The following GRIK2 variants were observed in gnomAD, a reference collection of about 807,000 sequenced individuals.
GRIK2 encodes the protein glutamate receptor ionotropic, kainate 2.
GRIK2 carries 32 observed loss-of-function variants against 100.3 expected under a neutral mutation model. The observed-to-expected ratio is 0.32, with a 90% CI of 0.24 to 0.43. The LOEUF (loss-of-function observed/expected upper bound fraction) is 0.43. Among genes scored for constraint, GRIK2 ranks in the 20% least tolerant of loss-of-function variants. The pLI is 1.00. For synonymous variants in GRIK2, 417 were observed against 389.4 expected (o/e 1.07, Z -0.83); for missense variants, 843 against 1,114.9 (o/e 0.76, Z 3.47).
At chr6:101,789,040 C>T (rs145166920) in intron 7 of GRIK2, among the ~76,000 whole-genome samples, 3,910 of 152,150 alleles carry the variant, frequency 0.026, 176 homozygotes, top group African/African-American at 0.089. Flanking sequence ...ATCCTTCGCC[C>T]ACTTTTTGAT....
At chr6:101,858,769 G>A (rs546033240) in intron 10 of GRIK2, among the ~76,000 whole-genome samples, 1 of 151,398 alleles carries the variant, frequency 6.6e-6, no homozygotes, top group African/African-American at 2.4e-5. Flanking sequence ...ATGGTTGTTG[G>A]GACAAAATGT....
chr6:101,969,992 C>A (rs967999870), intron 14 of GRIK2, among the ~76,000 whole-genome samples: 1 of 151,980 alleles, frequency 6.6e-6, no homozygotes, highest in Non-Finnish European at 1.5e-5. Context: ...AACCATCTCA[C>A]CTAATTCAAT....
At chr6:101,740,919 C>T (rs972769862) in intron 7 of GRIK2, among the ~76,000 whole-genome samples, 1 of 152,172 alleles carries the variant, frequency 6.6e-6, no homozygotes, top group African/African-American at 2.4e-5. Flanking sequence ...CCCACTAGAT[C>T]CCACTCCAAC....
chr6:101,955,576 T>TTCTCTCTCTCTCTCTCTC (rs60603807), intron 14 of GRIK2, among the ~76,000 whole-genome samples: 4 of 116,286 alleles, frequency 3.4e-5, no homozygotes, highest in African/African-American at 1.5e-4. Flanking sequence ...GAGCAAGGCC[T>TTCTCTCTCTCTCTCTCTC]TCTCTCTCTC....
intron 2 of GRIK2, among the ~76,000 whole-genome samples, chr6:101,501,397 C>T (rs1773738946): frequency 6.6e-6 from 1 of 152,122 alleles, no homozygotes; most frequent in African/African-American, 2.4e-5. Flanking sequence ...ACTTTGAAAT[C>T]ATTATAGTAA....
Position 101,733,963 on chromosome 6 carries a change from C to T in GRIK2, c.951+47610C>T, listed in dbSNP as rs556324027. On this transcript the variant is annotated intron_variant, in intron 7 of 16. Coordinates refer to ENST00000369134, the MANE Select transcript of GRIK2 (RefSeq NM_021956.5). ...GACACATCACCAGAATTGCCCTTAACACTCATATTTTTATGTTTCTTTAAA... is the reference window on the plus strand; with the variant it reads ...GACACATCACCAGAATTGCCCTTAATACTCATATTTTTATGTTTCTTTAAA... Among the ~76,000 whole-genome samples, 46 of 152,118 alleles carry T rather than the reference C, an allele frequency of 3.0e-4. No individual in the cohort carries two copies. The South Asian group carries it at 9.1e-3, about 30-fold the overall frequency.
intron 2 of GRIK2, among the ~76,000 whole-genome samples, chr6:101,592,068 C>A (rs1778670799): frequency 2.0e-5 from 3 of 151,938 alleles, no homozygotes; most frequent in Admixed American, 2.0e-4. Flanking sequence ...CAATCTCTTT[C>A]CTACTCCCTC....
At chr6:102,062,288 T>A (rs1771791857) in intron 16 of GRIK2, among the ~76,000 whole-genome samples, 1 of 150,562 alleles carries the variant, frequency 6.6e-6, no homozygotes, top group South Asian at 2.1e-4. Flanking sequence ...TTTTTCTGTC[T>A]GCTGTATAAT....
At chr6:101,583,213 AGGGGAG>A (rs1245115445) in intron 2 of GRIK2, among the ~76,000 whole-genome samples, 1 of 152,126 alleles carries the variant, frequency 6.6e-6, no homozygotes, top group East Asian at 1.9e-4. Flanking sequence ...CAGCCAATAA[AGGGGAG>A]TCGGCTGGTG....
At chr6:101,408,266 T>C (rs184408041) in intron 2 of GRIK2, among the ~76,000 whole-genome samples, 3 of 152,218 alleles carry the variant, frequency 2.0e-5, no homozygotes, top group East Asian at 3.9e-4. Flanking sequence ...TCTTGGTCCT[T>C]GATCACTGAA....
Position 101,884,971 on chromosome 6 carries a change from T to C in GRIK2, c.1525-4669T>C, listed in dbSNP as rs1372118053. Among the ~76,000 whole-genome samples the C allele has an allele frequency of 2.6e-5, 4 of 152,088 alleles. No homozygotes were observed. The East Asian group carries it at 5.8e-4, about 22-fold the overall frequency. On this transcript the variant is annotated intron_variant, in intron 11 of 16. Transcript: ENST00000369134. ...TAATAAGATAGCTGCTGTGTAGGTG[T>C]CTTTGTTAGATTTCCAGGGAGGGAA...
At chr6:101,596,291 A>AT (rs1463943991) in intron 2 of GRIK2, among the ~76,000 whole-genome samples, 4 of 149,294 alleles carry the variant, frequency 2.7e-5, no homozygotes, top group Admixed American at 1.3e-4. Flanking sequence ...GATTCAGCTA[A>AT]TTTTTTCATT....
chr6:101,413,800 GTTTATACTATGATATATACACAACTA>G (rs1212181460), intron 2 of GRIK2, among the ~76,000 whole-genome samples: 1 of 151,972 alleles, frequency 6.6e-6, no homozygotes, highest in Non-Finnish European at 1.5e-5. Context: ...AACATTTAGA[GTTTATACTATGATATATACACAACTA>G]TTATATTTTC....
chr6:101,520,144 A>T (rs1249293075), intron 2 of GRIK2, among the ~76,000 whole-genome samples: 3 of 146,232 alleles, frequency 2.1e-5, no homozygotes, highest in Non-Finnish European at 4.5e-5. Flanking sequence ...AGTGTATGGA[A>T]TAATCAATTA....
intron 14 of GRIK2, among the ~76,000 whole-genome samples, chr6:101,978,099 T>C (rs893507190): frequency 2.6e-5 from 4 of 151,950 alleles, no homozygotes; most frequent in Non-Finnish European, 5.9e-5. Context: ...CATATTTCTA[T>C]AGTCAGAGAC....
At chr6:101,889,412 T>C (rs1582464314) in intron 11 of GRIK2, among the ~76,000 whole-genome samples, 1 of 151,918 alleles carries the variant, frequency 6.6e-6, no homozygotes, top group East Asian at 1.9e-4. Context: ...CAATAAATGC[T>C]GATTTGCTAA....
intron 2 of GRIK2, among the ~76,000 whole-genome samples, chr6:101,452,109 G>A (rs1770731559): frequency 6.6e-6 from 1 of 151,552 alleles, no homozygotes; most frequent in Non-Finnish European, 1.5e-5. Flanking sequence ...GTGACACAAA[G>A]GCTAAAATAG....
chr6:101,656,972 T>C (rs1769235192), intron 4 of GRIK2, among the ~76,000 whole-genome samples: 1 of 152,244 alleles, frequency 6.6e-6, no homozygotes, highest in East Asian at 1.9e-4. Flanking sequence ...AATCTGGCTT[T>C]GCCATTTAAT....
intron 12 of GRIK2, among the ~76,000 whole-genome samples, chr6:101,903,652 AAT>A (rs1788026942): frequency 6.6e-6 from 1 of 151,698 alleles, no homozygotes; most frequent in South Asian, 2.1e-4. Flanking sequence ...TCATTACTCT[AAT>A]ATTTTAAGTG....
Sources: gnomAD v4.1 joint callset for allele counts (sites outside exome capture counted in the v4.1 genomes callset) on GRCh38, gnomAD v4.1.1 for gene constraint, MANE v1.5 for transcripts, NCBI Gene and HGNC (gene_info 2026-07-23, HGNC 2026-07-21) for gene names.